Variants in CAMK2D observed in about 807,000 individuals in gnomAD.
CAMK2D encodes calcium/calmodulin-dependent protein kinase type II subunit delta.
CAMK2D carries 37 observed loss-of-function variants against 84.0 expected under a neutral mutation model. The observed-to-expected ratio is 0.44, with a 90% CI of 0.34 to 0.58. The LOEUF is 0.58. Among genes scored for constraint, CAMK2D ranks in the 20% least tolerant of loss-of-function variants. The pLI is 0.02. For synonymous variants in CAMK2D, 202 were observed against 212.5 expected (o/e 0.95, Z 0.43); for missense variants, 448 against 652.5 (o/e 0.69, Z 3.41).
At chr4:113,457,125 C>T in intron 19 of CAMK2D, 1 of 1,279,994 alleles carries the variant, frequency 7.8e-7, no homozygotes, top group Admixed American at 2.9e-5. Context: ...CTATCATATA[C>T]TGCTCTATAG....
chr4:113,606,147 C>A (rs1285290499), intron 4 of CAMK2D, among the ~76,000 whole-genome samples: 2 of 151,932 alleles, frequency 1.3e-5, no homozygotes, highest in Non-Finnish European at 2.9e-5. Flanking sequence ...AAGGAAACTG[C>A]AGAAATGAAA....
intron 8 of CAMK2D, among the ~76,000 whole-genome samples, chr4:113,523,429 A>G (rs190076851): frequency 2.5e-4 from 38 of 152,168 alleles, no homozygotes; most frequent in African/African-American, 8.9e-4. Flanking sequence ...CTAACATTAA[A>G]TTTAAACACA....
intron 4 of CAMK2D, among the ~76,000 whole-genome samples, chr4:113,583,699 A>G (rs577414283): frequency 6.6e-6 from 1 of 152,336 alleles, no homozygotes; most frequent in Admixed American, 6.5e-5. Flanking sequence ...AGTTTAACTT[A>G]TATACAGTTA....
In CAMK2D at chr4:113,644,893, A is replaced by C. The variant is rs530876362; in HGVS notation, c.220+16820T>G. ...ACCTCCAAGGTCCAAGTAATCCACA[A>C]AGATGAAGTCATCTCACTGTAGAGC... On this transcript the variant is annotated intron_variant, in intron 3 of 20. Coordinates refer to ENST00000511664, the MANE Select transcript of CAMK2D (RefSeq NM_001321571.2). Among the ~76,000 whole-genome samples, 129 of 152,340 alleles carry C rather than the reference A, an allele frequency of 8.5e-4. 3 individuals carry two copies. In the South Asian group the frequency reaches 0.024, roughly 29 times the overall value.
chr4:113,591,847 G>C (rs909557952), intron 4 of CAMK2D, among the ~76,000 whole-genome samples: 3 of 152,106 alleles, frequency 2.0e-5, no homozygotes, highest in African/African-American at 7.2e-5. Context: ...TCAATGTAGA[G>C]TCTTCTGTGT....
chr4:113,670,053 G>A (rs2099273695), intron 2 of CAMK2D, among the ~76,000 whole-genome samples: 1 of 152,046 alleles, frequency 6.6e-6, no homozygotes, highest in Admixed American at 6.6e-5. Context: ...GACCCAGGTG[G>A]GCAGATCACA....
intron 16 of CAMK2D, among the ~76,000 whole-genome samples, chr4:113,477,572 C>T (rs934605399): frequency 1.3e-5 from 2 of 151,764 alleles, no homozygotes; most frequent in Non-Finnish European, 2.9e-5. Flanking sequence ...ATGGTAAAGC[C>T]CTATCTCTAC....
chr4:113,748,833 T>C (rs1478130943), intron 2 of CAMK2D, among the ~76,000 whole-genome samples: 1 of 152,016 alleles, frequency 6.6e-6, no homozygotes, highest in Non-Finnish European at 1.5e-5. Context: ...GTAATTAGAA[T>C]ATATATATTT....
intron 2 of CAMK2D, among the ~76,000 whole-genome samples, chr4:113,718,288 T>C (rs752722791): frequency 6.6e-5 from 10 of 152,164 alleles, no homozygotes; most frequent in Admixed American, 1.3e-4. Flanking sequence ...AAGGATAATT[T>C]GGTAGGTAGG....
intron 2 of CAMK2D, among the ~76,000 whole-genome samples, chr4:113,675,778 T>C (rs2099315883): frequency 6.6e-6 from 1 of 152,196 alleles, no homozygotes; most frequent in Admixed American, 6.5e-5. Flanking sequence ...TAATAACACC[T>C]TCCATCTAAT....
intron 4 of CAMK2D, among the ~76,000 whole-genome samples, chr4:113,584,474 G>A (rs986026725): frequency 6.6e-6 from 1 of 152,170 alleles, no homozygotes; most frequent in Non-Finnish European, 1.5e-5. Flanking sequence ...AAGAAGAGAG[G>A]TTTCTTGGAA....
At chr4:113,724,717 A>G (rs1256492153) in intron 2 of CAMK2D, among the ~76,000 whole-genome samples, 2 of 151,776 alleles carry the variant, frequency 1.3e-5, no homozygotes, top group Admixed American at 6.6e-5. Context: ...GTTCTTTATA[A>G]GTTTTCTTCT....
intron 3 of CAMK2D, among the ~76,000 whole-genome samples, chr4:113,640,491 C>G (rs2099128189): frequency 6.6e-6 from 1 of 152,128 alleles, no homozygotes; most frequent in Non-Finnish European, 1.5e-5. Flanking sequence ...TCCCCATCCT[C>G]AGAGAGCTTA....
chr4:113,690,776 T>A (rs2099384904), intron 2 of CAMK2D, among the ~76,000 whole-genome samples: 1 of 152,234 alleles, frequency 6.6e-6, no homozygotes, highest in African/African-American at 2.4e-5. Flanking sequence ...GATTTCATTA[T>A]GCACTGTGCA....
At chr4:113,611,325 T>C (rs188413096) in intron 3 of CAMK2D, among the ~76,000 whole-genome samples, 13 of 152,304 alleles carry the variant, frequency 8.5e-5, no homozygotes, top group African/African-American at 2.6e-4. Context: ...TTCAGAGATA[T>C]CTCACTTAGC....
intron 3 of CAMK2D, among the ~76,000 whole-genome samples, chr4:113,660,628 C>A (rs1279669346): frequency 6.6e-6 from 1 of 151,930 alleles, no homozygotes; most frequent in African/African-American, 2.4e-5. Context: ...TAGGTTCAAG[C>A]GATCCTTCTG....
chr4:113,493,207 C>G (rs1184513207), intron 16 of CAMK2D, among the ~76,000 whole-genome samples: 17 of 150,846 alleles, frequency 1.1e-4, no homozygotes, highest in Admixed American at 1.1e-3. Flanking sequence ...GGTTATTTTG[C>G]TCGTTAGTTG....
intron 16 of CAMK2D, among the ~76,000 whole-genome samples, chr4:113,469,387 C>T (rs2097519875): frequency 6.6e-6 from 1 of 152,164 alleles, no homozygotes; most frequent in African/African-American, 2.4e-5. Context: ...TTTTACTTAA[C>T]TCTCTTGCTT....
In CAMK2D at chr4:113,509,687, G is replaced by C. The variant is rs749786354; in HGVS notation, c.947-12C>G. 5 of 1,602,480 alleles carry C rather than the reference G, an allele frequency of 3.1e-6. No homozygotes were observed. Among genetic ancestry groups the C allele is most frequent in the South Asian group, 2.2e-5 (2 of 90,846 alleles). On this transcript the variant is annotated splice_polypyrimidine_tract_variant and intron_variant, in intron 12 of 20. Transcript: ENST00000511664. ...CAAACTCTTGGCTGCTGTAAAATGA[G>C]AGTAAAATCAGTTTAGTGAGTTATC...
Sources: gnomAD v4.1 joint callset for allele counts (sites outside exome capture counted in the v4.1 genomes callset) on GRCh38, gnomAD v4.1.1 for gene constraint, MANE v1.5 for transcripts, NCBI Gene and HGNC (gene_info 2026-07-23, HGNC 2026-07-21) for gene names.